FRMPD4: variants seen among roughly 807,000 people sequenced by gnomAD.
FRMPD4 encodes FERM and PDZ domain containing 4, also known as FERM and PDZ domain-containing protein 4.
Under a neutral mutation model 94.1 loss-of-function variants are expected in FRMPD4, and 22 were observed. The ratio of observed to expected loss-of-function variants is 0.23; its 90% CI spans 0.17 to 0.33. The LOEUF (loss-of-function observed/expected upper bound fraction) is 0.33, where lower values mean the gene tolerates loss of function less well. Among genes scored for constraint, FRMPD4 ranks in the 10% least tolerant of loss-of-function variants. FRMPD4 has a pLI of 1.00. For synonymous variants in FRMPD4, 631 were observed against 548.6 expected (o/e 1.15, Z -2.10); for missense variants, 1,111 against 1,339.9 (o/e 0.83, Z 2.67).
chrX:11,855,121 G>C (rs1003867943), intron 1 of FRMPD4, among the ~76,000 whole-genome samples: 1 of 112,802 alleles, frequency 8.9e-6, no homozygotes, highest in Non-Finnish European at 1.9e-5. Flanking sequence ...ACTAAGGCTT[G>C]GTGCTTGCAC....
chrX:12,557,552 T>C (rs2058608904), intron 2 of FRMPD4, among the ~76,000 whole-genome samples: 1 of 112,420 alleles, frequency 8.9e-6, no homozygotes, highest in African/African-American at 3.2e-5. Context: ...GGTGAAACAT[T>C]TTGGTTTCCT....
intron 3 of FRMPD4, among the ~76,000 whole-genome samples, chrX:12,133,209 A>ATTTATTTTATTTTATTTTAT (rs60859880): frequency 3.8e-4 from 37 of 98,160 alleles, no homozygotes; most frequent in African/African-American, 1.4e-3. Flanking sequence ...GTTTCTAAAA[A>ATTTATTTTATTTTATTTTAT]TTTATTTTAT....
At chrX:12,574,399 G>A (rs1440202731) in intron 2 of FRMPD4, among the ~76,000 whole-genome samples, 2 of 112,442 alleles carry the variant, frequency 1.8e-5, no homozygotes, top group African/African-American at 6.5e-5. Context: ...ATTTATAAGT[G>A]CTATGCTAGA....
At chrX:11,823,275 G>A (rs984540026) in intron 1 of FRMPD4, among the ~76,000 whole-genome samples, 1 of 108,982 alleles carries the variant, frequency 9.2e-6, no homozygotes, top group African/African-American at 3.3e-5. Context: ...GGACATTTGA[G>A]GGCTAAGTTT....
intron 3 of FRMPD4, among the ~76,000 whole-genome samples, chrX:12,112,109 C>A (rs750254950): frequency 8.9e-6 from 1 of 112,104 alleles, no homozygotes; most frequent in East Asian, 2.8e-4. Context: ...TATAAAGACA[C>A]ATGCACACGT....
chrX:12,308,639 G>C (rs2054982487), intron 1 of FRMPD4, among the ~76,000 whole-genome samples: 1 of 111,409 alleles, frequency 9.0e-6, no homozygotes, highest in Admixed American at 9.5e-5. Context: ...AGACACTGTA[G>C]GGGGGTGGAT....
chrX:12,137,928 G>A (rs2055622424), upstream of FRMPD4, among the ~76,000 whole-genome samples: 2 of 111,991 alleles, frequency 1.8e-5, no homozygotes, highest in Non-Finnish European at 3.8e-5. Flanking sequence ...TTCTGAGCCC[G>A]GTTAGAATTA....
intron 1 of FRMPD4, among the ~76,000 whole-genome samples, chrX:12,256,716 T>C (rs1186998407): frequency 8.9e-6 from 1 of 112,029 alleles, no homozygotes; most frequent in Non-Finnish European, 1.9e-5. Context: ...AGGTTATTTG[T>C]GGAAGAAGGT....
At chrX:12,635,124 G>A (rs771615996) in intron 4 of FRMPD4, among the ~76,000 whole-genome samples, 6 of 111,876 alleles carry the variant, frequency 5.4e-5, no homozygotes, top group East Asian at 2.8e-4. Context: ...GTGAGCCACC[G>A]CACCTGGCCA....
intron 1 of FRMPD4, among the ~76,000 whole-genome samples, chrX:12,334,464 A>G (rs992591987): frequency 9.0e-6 from 1 of 111,471 alleles, no homozygotes; most frequent in Non-Finnish European, 1.9e-5. Flanking sequence ...AACTTACGTT[A>G]TGCAAACTTA....
chrX:12,146,624 T>C (rs2055773810), intron 1 of FRMPD4, among the ~76,000 whole-genome samples: 1 of 112,520 alleles, frequency 8.9e-6, no homozygotes. Flanking sequence ...GAAAAATTCC[T>C]ATCTGTCTTT....
rs1054185876 is a variant in FRMPD4 at position 12,138,854 on chromosome X, C to T, written c.-118C>T. The T allele has an allele frequency of 7.3e-6, 4 of 551,268 alleles. No individual in the cohort carries two copies. Among genetic ancestry groups the T allele is most frequent in the African/African-American group, 4.8e-5 (2 of 41,283 alleles). 45.4% of individuals were successfully genotyped at this position (551,268 alleles called of 1,213,427 possible). A position where few individuals can be genotyped will look rare whatever the true frequency, so the allele number is the denominator to read the frequency against. ...TCCGGCCGCCGCCGCCACCCGCTGT[C>T]GCCGCGACTCGAGCCCCGGGCGCAC... On this transcript the variant is annotated 5_prime_UTR_variant, in exon 1 of 17. Coordinates refer to ENST00000675598, the MANE Select transcript of FRMPD4 (RefSeq NM_001368397.1).
intron 3 of FRMPD4, among the ~76,000 whole-genome samples, chrX:11,978,265 T>C (rs1277647503): frequency 1.1e-5 from 1 of 88,439 alleles, no homozygotes; most frequent in African/African-American, 4.5e-5. Context: ...GAGCTTACAG[T>C]GAGCCAGGAT....
At chrX:12,342,565 A>C (rs753720040) in intron 1 of FRMPD4, among the ~76,000 whole-genome samples, 1 of 111,901 alleles carries the variant, frequency 8.9e-6, no homozygotes, top group Non-Finnish European at 1.9e-5. Flanking sequence ...TATGAATGAC[A>C]AGCTCACACT....
chrX:12,007,276 T>A (rs779974685), intron 3 of FRMPD4, among the ~76,000 whole-genome samples: 4 of 111,861 alleles, frequency 3.6e-5, no homozygotes, highest in African/African-American at 6.5e-5. Flanking sequence ...CATGTTGGAA[T>A]TGGATCGTTT....
intron 3 of FRMPD4, among the ~76,000 whole-genome samples, chrX:12,023,328 C>G (rs188137786): frequency 6.0e-4 from 67 of 111,564 alleles, no homozygotes; most frequent in African/African-American, 1.8e-3. Context: ...CCTGAACAGA[C>G]TAAGACACAC....
intron 5 of FRMPD4, among the ~76,000 whole-genome samples, chrX:12,677,442 G>A (rs2059910492): frequency 9.5e-6 from 1 of 105,299 alleles, no homozygotes; most frequent in Non-Finnish European, 1.9e-5. Context: ...TTATATTTTT[G>A]GGTTTGGATT....
At chrX:11,977,678 A>T (rs2054374239) in intron 3 of FRMPD4, among the ~76,000 whole-genome samples, 1 of 101,605 alleles carries the variant, frequency 9.8e-6, no homozygotes, top group South Asian at 5.7e-4. Flanking sequence ...AAATATATTG[A>T]TTCAGTTCAG....
chrX:12,689,095 C>A (rs1319911839), intron 7 of FRMPD4, among the ~76,000 whole-genome samples: 1 of 111,290 alleles, frequency 9.0e-6, no homozygotes, highest in Non-Finnish European at 1.9e-5. Context: ...CCAGAAATTT[C>A]CAAATGTTGC....
Sources: gnomAD v4.1 joint callset for allele counts (sites outside exome capture counted in the v4.1 genomes callset) on GRCh38, gnomAD v4.1.1 for gene constraint, MANE v1.5 for transcripts, NCBI Gene and HGNC (gene_info 2026-07-23, HGNC 2026-07-21) for gene names.